The following NRG3 variants were observed in gnomAD, a reference collection of about 807,000 sequenced individuals.
NRG3 encodes pro-neuregulin-3, membrane-bound isoform.
Under a neutral mutation model 66.9 loss-of-function variants are expected in NRG3, and 31 were observed. The observed-to-expected ratio is 0.46, with a 90% CI of 0.35 to 0.63. The LOEUF is 0.63. NRG3 is among the 20% of genes least tolerant of loss of function. The pLI is 0.00. For synonymous variants in NRG3, 393 were observed against 359.4 expected (o/e 1.09, Z -1.06); for missense variants, 910 against 878.9 (o/e 1.04, Z -0.45).
chr10:82,975,280 G>A (rs1852143509), intron 7 of NRG3, among the ~76,000 whole-genome samples: 1 of 152,190 alleles, frequency 6.6e-6, no homozygotes, highest in Non-Finnish European at 1.5e-5. Flanking sequence ...CGTTAAAGTA[G>A]TATTCCACCT....
intron 2 of NRG3, among the ~76,000 whole-genome samples, chr10:82,406,724 T>A (rs564394126): frequency 6.6e-6 from 1 of 152,116 alleles, no homozygotes; most frequent in Admixed American, 6.6e-5. Context: ...ATTTTTTTTC[T>A]TATTAATATT....
intron 2 of NRG3, among the ~76,000 whole-genome samples, chr10:82,596,021 A>G (rs1056195235): frequency 1.2e-4 from 18 of 152,244 alleles, no homozygotes; most frequent in Admixed American, 1.2e-3. Flanking sequence ...TTTAATAAAT[A>G]AACCTATGAG....
chr10:82,624,213 T>A (rs1565139016), intron 2 of NRG3, among the ~76,000 whole-genome samples: 1 of 152,346 alleles, frequency 6.6e-6, no homozygotes, highest in East Asian at 1.9e-4. Context: ...TTTCTTTGCT[T>A]AGTATGACTT....
In NRG3 at chr10:81,926,590, T is replaced by C. The variant is rs925106965; in HGVS notation, c.823+50427T>C. Among the ~76,000 whole-genome samples the C allele has an allele frequency of 3.3e-5, 5 of 152,342 alleles. No individual in the cohort carries two copies. In the South Asian group the frequency reaches 1.0e-3, roughly 32 times the overall value. On this transcript the variant is annotated intron_variant, in intron 1 of 8. Coordinates refer to ENST00000372141, the MANE Select transcript of NRG3 (RefSeq NM_001010848.4). ...TTTATTTATGCCACATGACAAGTGT[T>C]TGTGTAATTAAACAGCTCACTTTGT...
At chr10:82,436,770 G>A (rs1328658167) in intron 2 of NRG3, among the ~76,000 whole-genome samples, 1 of 152,104 alleles carries the variant, frequency 6.6e-6, no homozygotes, top group African/African-American at 2.4e-5. Context: ...GTCTGGAAAG[G>A]ATTTTATTTC....
intron 2 of NRG3, among the ~76,000 whole-genome samples, chr10:82,730,362 G>T (rs1164965113): frequency 6.6e-6 from 1 of 152,036 alleles, no homozygotes. Context: ...GGGATTACAG[G>T]TGTGAGCTAC....
At chr10:81,912,210 C>T (rs1845235625) in intron 1 of NRG3, among the ~76,000 whole-genome samples, 1 of 151,810 alleles carries the variant, frequency 6.6e-6, no homozygotes, top group Admixed American at 6.6e-5. Flanking sequence ...TATGTTTTTT[C>T]ATATAGGTCA....
chr10:82,444,265 G>A (rs2090598265), intron 2 of NRG3, among the ~76,000 whole-genome samples: 1 of 152,092 alleles, frequency 6.6e-6, no homozygotes, highest in Non-Finnish European at 1.5e-5. Context: ...ACCACGTCCA[G>A]CTAATTTTTG....
chr10:82,388,910 C>T (rs1415165932), intron 2 of NRG3, among the ~76,000 whole-genome samples: 1 of 152,132 alleles, frequency 6.6e-6, no homozygotes, highest in African/African-American at 2.4e-5. Flanking sequence ...TATCCCATAC[C>T]TGCCGAGTCA....
chr10:82,355,116 C>A (rs1564831859), intron 1 of NRG3, among the ~76,000 whole-genome samples: 1 of 152,152 alleles, frequency 6.6e-6, no homozygotes, highest in East Asian at 1.9e-4. Flanking sequence ...TTAAAAGTGG[C>A]ATAGCTTTAA....
At chr10:82,661,435 A>T (rs2052351601) in intron 2 of NRG3, among the ~76,000 whole-genome samples, 2 of 151,734 alleles carry the variant, frequency 1.3e-5, no homozygotes, top group Admixed American at 1.3e-4. Flanking sequence ...TACATATGTG[A>T]TATTAAATAC....
At chr10:82,721,493 G>A (rs555111861) in intron 2 of NRG3, among the ~76,000 whole-genome samples, 3 of 151,134 alleles carry the variant, frequency 2.0e-5, no homozygotes, top group African/African-American at 7.3e-5. Flanking sequence ...CACGATCTTG[G>A]CTCACTGCAA....
chr10:82,472,292 G>A (rs771324692), intron 2 of NRG3, among the ~76,000 whole-genome samples: 8 of 152,162 alleles, frequency 5.3e-5, no homozygotes, highest in Admixed American at 5.2e-4. Context: ...AGCAGACATA[G>A]CGAGATGGAG....
chr10:82,829,060 G>A (rs1379915884), intron 3 of NRG3, among the ~76,000 whole-genome samples: 1 of 152,170 alleles, frequency 6.6e-6, no homozygotes, highest in Non-Finnish European at 1.5e-5. Flanking sequence ...CTGTGCTGCA[G>A]TTCTAGGTTC....
chr10:82,766,822 T>C (rs1013142832), intron 3 of NRG3, among the ~76,000 whole-genome samples: 1 of 151,652 alleles, frequency 6.6e-6, no homozygotes, highest in Non-Finnish European at 1.5e-5. Context: ...TCCTTAGTCT[T>C]TTTTTTAATC....
In NRG3 at chr10:81,898,249, A is replaced by T. The variant is rs145169015; in HGVS notation, c.823+22086A>T. On this transcript the variant is annotated intron_variant, in intron 1 of 8. Transcript: ENST00000372141. Reference sequence around the variant, plus strand: ...AAGTGTTTGAGCAGTGGAGATGGGAATCACAAGACCCCTGCCAGCAAGAGC... The same window carrying T: ...AAGTGTTTGAGCAGTGGAGATGGGATTCACAAGACCCCTGCCAGCAAGAGC... Among the ~76,000 whole-genome samples the T allele has an allele frequency of 8.5e-3, 1,300 of 152,312 alleles. 12 individuals carry two copies. Among genetic ancestry groups the T allele is most frequent in the African/African-American group, 0.025 (1,030 of 41,558 alleles).
chr10:82,198,574 G>A (rs928583487), intron 1 of NRG3, among the ~76,000 whole-genome samples: 6 of 152,114 alleles, frequency 3.9e-5, no homozygotes, highest in Non-Finnish European at 7.4e-5. Flanking sequence ...TGGGAGAAAG[G>A]CCATATTTCT....
chr10:82,075,126 T>C (rs2065021612), intron 1 of NRG3, among the ~76,000 whole-genome samples: 1 of 152,218 alleles, frequency 6.6e-6, no homozygotes, highest in Non-Finnish European at 1.5e-5. Context: ...CTTCAAGATC[T>C]TTTCTTACAC....
At position 82,129,043 on chromosome 10, in the gene NRG3, G is replaced by A. The variant is rs1310240541; in HGVS notation, c.824-229696G>A. 3.9e-5 allele frequency among the ~76,000 whole-genome samples: 6 copies of A among 151,940 alleles called. 1 individual carries two copies. Among genetic ancestry groups the A allele is most frequent in the Non-Finnish European group, 2.9e-5 (2 of 67,980 alleles). On this transcript the variant is annotated intron_variant, in intron 1 of 8. Coordinates refer to ENST00000372141, the MANE Select transcript of NRG3 (RefSeq NM_001010848.4). ...TTCTCCTGTCTCAGCCTCGCAAGTA[G>A]CTGTGATTACAGATGCCTGCCACCA...
Sources: allele counts gnomAD v4.1 joint callset (sites outside exome capture counted in the v4.1 genomes callset), GRCh38; gene constraint gnomAD v4.1.1; transcripts MANE v1.5; gene names NCBI Gene and HGNC (gene_info 2026-07-23, HGNC 2026-07-21).